The following RAD51B variants were observed in gnomAD, a reference collection of about 807,000 sequenced individuals.
RAD51B encodes RAD51 paralog B.
Under a neutral mutation model 42.2 loss-of-function variants are expected in RAD51B, and 38 were observed. That is an observed-to-expected ratio of 0.90 (90% CI 0.70 to 1.18). RAD51B has a LOEUF of 1.18. Among genes scored for constraint, RAD51B ranks in the 50% most tolerant of loss-of-function variants. RAD51B has a pLI of 0.00. For missense variants in RAD51B, 373 were observed against 400.7 expected (o/e 0.93, Z 0.59); for synonymous variants, 154 against 145.2 (o/e 1.06, Z -0.43).
At chr14:68,431,346 C>G (rs564282104) in intron 9 of RAD51B, among the ~76,000 whole-genome samples, 5 of 152,234 alleles carry the variant, frequency 3.3e-5, no homozygotes, top group African/African-American at 1.2e-4. Flanking sequence ...CTTCTTGTAC[C>G]TCTGGTAGAA....
intron 7 of RAD51B, among the ~76,000 whole-genome samples, chr14:68,152,545 G>A (rs537172618): frequency 1.2e-4 from 19 of 152,182 alleles, no homozygotes; most frequent in African/African-American, 3.4e-4. Flanking sequence ...AAAAAGATAC[G>A]CCTCAGATGT....
intron 7 of RAD51B, among the ~76,000 whole-genome samples, chr14:68,222,564 T>A (rs936013434): frequency 1.2e-4 from 18 of 152,244 alleles, no homozygotes; most frequent in African/African-American, 4.3e-4. Context: ...GAGTTCACAT[T>A]AGGTACAGTG....
chr14:68,659,171 TTCC>T, intron 11 of RAD51B, among the ~76,000 whole-genome samples: 1 of 152,308 alleles, frequency 6.6e-6, no homozygotes, highest in East Asian at 1.9e-4. Flanking sequence ...ACGGAGCCTT[TTCC>T]TCCAGGCCAG....
intron 7 of RAD51B, among the ~76,000 whole-genome samples, chr14:68,081,003 T>A (rs2076904637): frequency 6.6e-6 from 1 of 152,170 alleles, no homozygotes; most frequent in African/African-American, 2.4e-5. Flanking sequence ...CCTGATCTGA[T>A]GTAGGGAGTC....
intron 7 of RAD51B, among the ~76,000 whole-genome samples, chr14:68,272,752 C>T (rs2139593575): frequency 7.8e-6 from 1 of 128,558 alleles, no homozygotes; most frequent in East Asian, 2.5e-4. Context: ...GTGGCGTGAT[C>T]TCGGCTCACT....
At chr14:68,361,146 G>T (rs1402559632) in intron 8 of RAD51B, among the ~76,000 whole-genome samples, 1 of 152,182 alleles carries the variant, frequency 6.6e-6, no homozygotes, top group African/African-American at 2.4e-5. Flanking sequence ...GGCAGGAGAA[G>T]GTCAGAGAAA....
At chr14:67,839,332 T>C (rs1305017650) in intron 4 of RAD51B, among the ~76,000 whole-genome samples, 1 of 152,148 alleles carries the variant, frequency 6.6e-6, no homozygotes, top group East Asian at 1.9e-4. Context: ...TCTGAGAAGA[T>C]TTTTTAAAAA....
At chr14:68,029,550 A>G (rs1459595562) in intron 7 of RAD51B, among the ~76,000 whole-genome samples, 3 of 152,218 alleles carry the variant, frequency 2.0e-5, no homozygotes, top group South Asian at 2.1e-4. Context: ...CAACAATTCA[A>G]TCGTATCTTC....
intron 7 of RAD51B, among the ~76,000 whole-genome samples, chr14:68,255,957 A>G (rs1203138318): frequency 6.6e-6 from 1 of 152,212 alleles, no homozygotes; most frequent in Non-Finnish European, 1.5e-5. Flanking sequence ...TGGAAAAATT[A>G]ATGCCCTGTA....
intron 7 of RAD51B, among the ~76,000 whole-genome samples, chr14:68,035,889 G>A (rs548667555): frequency 1.7e-4 from 26 of 152,146 alleles, no homozygotes; most frequent in African/African-American, 6.3e-4. Flanking sequence ...TTATCTGTTC[G>A]GAAGTCATAA....
At chr14:68,631,817 C>T (rs1419481806) in intron 10 of RAD51B, among the ~76,000 whole-genome samples, 1 of 152,168 alleles carries the variant, frequency 6.6e-6, no homozygotes, top group African/African-American at 2.4e-5. Flanking sequence ...TCCCCAGGCT[C>T]CAGTGTCTGT....
intron 4 of RAD51B, among the ~76,000 whole-genome samples, chr14:67,840,880 C>A (rs1002680451): frequency 1.3e-5 from 2 of 151,960 alleles, no homozygotes; most frequent in African/African-American, 4.8e-5. Context: ...TGGCTCACTG[C>A]AACCTCTGCC....
At chr14:68,230,567 A>G (rs2080128221) in intron 7 of RAD51B, among the ~76,000 whole-genome samples, 1 of 152,182 alleles carries the variant, frequency 6.6e-6, no homozygotes, top group Non-Finnish European at 1.5e-5. Flanking sequence ...ACCCAAAGCC[A>G]AGCACTTTTG....
intron 10 of RAD51B, among the ~76,000 whole-genome samples, chr14:68,558,283 C>A (rs1224449348): frequency 6.6e-6 from 1 of 152,236 alleles, no homozygotes; most frequent in Non-Finnish European, 1.5e-5. Context: ...GAAGAGGGGC[C>A]ACCATCGGGG....
chr14:67,878,434 GA>G (rs1419029053), intron 5 of RAD51B, among the ~76,000 whole-genome samples: 1 of 151,978 alleles, frequency 6.6e-6, no homozygotes, highest in South Asian at 2.1e-4. Context: ...ATGTTTATAT[GA>G]TTTTTTTCCT....
chr14:68,478,271 G>A (rs991597703), downstream of RAD51B, among the ~76,000 whole-genome samples: 4 of 152,192 alleles, frequency 2.6e-5, no homozygotes, highest in African/African-American at 9.7e-5. Flanking sequence ...GAGAAGTGGA[G>A]CATGTATGGT....
chr14:68,544,462 TTTCCAAGTGATC>T (rs1371022750), intron 10 of RAD51B, among the ~76,000 whole-genome samples: 2 of 152,214 alleles, frequency 1.3e-5, no homozygotes, highest in Non-Finnish European at 2.9e-5. Context: ...ATCGTATCTG[TTTCCAAGTGATC>T]TGACGCAGCA....
At chr14:68,119,768 G>A (rs541723690) in intron 7 of RAD51B, among the ~76,000 whole-genome samples, 1,962 of 151,174 alleles carry the variant, frequency 0.013, 41 homozygotes, top group African/African-American at 0.043. Context: ...GAATATTGCC[G>A]CAATAAACAT....
At chr14:68,258,431 A>ACACACTCTCT (rs1555382630) in intron 7 of RAD51B, among the ~76,000 whole-genome samples, 11 of 149,110 alleles carry the variant, frequency 7.4e-5, no homozygotes, top group Non-Finnish European at 1.5e-4. Flanking sequence ...ACACACACAC[A>ACACACTCTCT]CTCTCTCTCT....
Sources: gnomAD v4.1 joint callset for allele counts (sites outside exome capture counted in the v4.1 genomes callset) on GRCh38, gnomAD v4.1.1 for gene constraint, MANE v1.5 for transcripts, NCBI Gene and HGNC (gene_info 2026-07-23, HGNC 2026-07-21) for gene names.